FUT9: variants seen among roughly 807,000 people sequenced by gnomAD.
FUT9 encodes the protein 4-galactosyl-N-acetylglucosaminide 3-alpha-L-fucosyltransferase 9.
In FUT9, 15 loss-of-function variants were observed where a neutral mutation model predicts 29.7. The ratio of observed to expected loss-of-function variants is 0.51; its 90% CI spans 0.34 to 0.78. FUT9 has a LOEUF of 0.78. FUT9 is among the 30% of genes least tolerant of loss of function. FUT9 has a pLI of 0.01. For missense variants in FUT9, 319 were observed against 425.4 expected, an observed-to-expected ratio of 0.75 and a Z score of 2.20; for synonymous variants, 169 against 153.7, an observed-to-expected ratio of 1.10 and a Z score of -0.74.
chr6:96,214,949 A>G lies in FUT9; in HGVS notation c.*10714A>G, dbSNP rs1774009599. 1.8e-5 allele frequency: 3 copies of G among 167,050 alleles called. No individual in the cohort carries two copies. 10.3% of individuals were successfully genotyped at this position (167,050 alleles called of 1,614,324 possible). ...ATTCCAAGTGAAAATCATGCAGCTGAGTCCTGCTGCATCCTGGGAGCAAAG... is the reference window on the plus strand; with the variant it reads ...ATTCCAAGTGAAAATCATGCAGCTGGGTCCTGCTGCATCCTGGGAGCAAAG... On this transcript the variant is annotated 3_prime_UTR_variant, in exon 3 of 3. Coordinates refer to ENST00000302103, the MANE Select transcript of FUT9 (RefSeq NM_006581.4).
At chr6:96,041,161 C>G (rs1770452953) in intron 1 of FUT9, among the ~76,000 whole-genome samples, 1 of 151,660 alleles carries the variant, frequency 6.6e-6, no homozygotes, top group Non-Finnish European at 1.5e-5. Context: ...ACATCAGTGT[C>G]TTCCCCATCT....
chr6:96,117,660 G>A (rs1206649676), intron 2 of FUT9, among the ~76,000 whole-genome samples: 2 of 152,180 alleles, frequency 1.3e-5, no homozygotes, highest in Non-Finnish European at 2.9e-5. Flanking sequence ...TCAGCAGTTT[G>A]TAAAGGATGG....
At chr6:96,147,701 C>A (rs1244781994) in intron 2 of FUT9, among the ~76,000 whole-genome samples, 7 of 151,716 alleles carry the variant, frequency 4.6e-5, no homozygotes, top group African/African-American at 1.7e-4. Context: ...AACTCTTCAT[C>A]CTTTCTGTGC....
intron 1 of FUT9, among the ~76,000 whole-genome samples, chr6:96,098,159 T>C (rs1422508654): frequency 6.6e-6 from 1 of 152,132 alleles, no homozygotes; most frequent in African/African-American, 2.4e-5. Context: ...AATGAATAGT[T>C]ATTTTAGTTG....
chr6:96,197,166 G>A (rs1218343456), intron 2 of FUT9, among the ~76,000 whole-genome samples: 1 of 152,078 alleles, frequency 6.6e-6, no homozygotes, highest in Non-Finnish European at 1.5e-5. Context: ...GAAGAAAAAA[G>A]AATTTTAAAA....
chr6:96,129,285 A>AC (rs1772195393), intron 2 of FUT9, among the ~76,000 whole-genome samples: 1 of 7,572 alleles, frequency 1.3e-4, no homozygotes, highest in African/African-American at 1.7e-4. Context: ...AAAAAAAAAA[A>AC]AAAAAAACAA....
chr6:96,157,049 C>T (rs1772798556), intron 2 of FUT9, among the ~76,000 whole-genome samples: 2 of 152,148 alleles, frequency 1.3e-5, no homozygotes, highest in African/African-American at 4.8e-5. Flanking sequence ...AAGTGCAATG[C>T]TTTTGCCTAA....
rs1346222656 is a variant in FUT9 at position 96,214,139 on chromosome 6, T to C, written c.*9904T>C. The C allele has an allele frequency of 6.0e-6, 1 of 167,006 alleles. No homozygotes were observed. The highest frequency in any genetic ancestry group is 1.5e-5 in the Non-Finnish European group (1 of 68,066). The allele number at this position is 167,006 out of a possible 1,614,324, so 10.3% of individuals were successfully genotyped here. The stretch of plus-strand genomic sequence containing the variant: ...TCCCAAAACTTTATTTTTGGAGTTA[T>C]TGTTGGCAATAAATACAACAAATTA... On this transcript the variant is annotated 3_prime_UTR_variant, in exon 3 of 3. Coordinates refer to ENST00000302103, the MANE Select transcript of FUT9 (RefSeq NM_006581.4).
intron 1 of FUT9, chr6:96,036,863 C>T (rs1481165196): frequency 6.6e-6 from 1 of 151,968 alleles, no homozygotes; most frequent in Non-Finnish European, 1.5e-5. Context: ...TCAAACCTTA[C>T]AGTCCATGTG....
chr6:96,173,951 T>C lies in FUT9; in HGVS notation c.-8-29197T>C, dbSNP rs897982799. 9.2e-5 allele frequency among the ~76,000 whole-genome samples: 14 copies of C among 152,258 alleles called. 1 individual carries two copies. Among genetic ancestry groups the C allele is most frequent in the Admixed American group, 5.2e-4 (8 of 15,286 alleles). On this transcript the variant is annotated intron_variant, in intron 2 of 2. Coordinates refer to ENST00000302103, the MANE Select transcript of FUT9 (RefSeq NM_006581.4). ...GTTAATAATTTATTTGTGTTGATTG[T>C]TTTTTAGTTTTTATAAAAAGGAATG... is the stretch of plus-strand genomic sequence containing the variant.
At chr6:96,057,900 T>C (rs987390807) in intron 1 of FUT9, among the ~76,000 whole-genome samples, 1 of 152,160 alleles carries the variant, frequency 6.6e-6, no homozygotes, top group Non-Finnish European at 1.5e-5. Context: ...TTTTTGTCTC[T>C]TAGACTCTCA....
intron 1 of FUT9, among the ~76,000 whole-genome samples, chr6:96,043,996 G>A (rs552577065): frequency 6.6e-6 from 1 of 152,120 alleles, no homozygotes; most frequent in African/African-American, 2.4e-5. Flanking sequence ...TTTGGCTCAG[G>A]GTCACACTTT....
intron 2 of FUT9, among the ~76,000 whole-genome samples, chr6:96,187,228 G>A (rs1036721782): frequency 6.6e-6 from 1 of 152,128 alleles, no homozygotes; most frequent in African/African-American, 2.4e-5. Flanking sequence ...CAGAAATTAA[G>A]GGAAATGTTC....
chr6:96,161,534 T>C (rs566851943), intron 2 of FUT9, among the ~76,000 whole-genome samples: 2 of 152,332 alleles, frequency 1.3e-5, no homozygotes, highest in South Asian at 2.1e-4. Flanking sequence ...GACAGATAGA[T>C]AGATAGATAA....
intron 2 of FUT9, among the ~76,000 whole-genome samples, chr6:96,142,150 AAT>A (rs1215420184): frequency 6.6e-6 from 1 of 152,316 alleles, no homozygotes; most frequent in Non-Finnish European, 1.5e-5. Context: ...AGGGTATAGA[AAT>A]ATGGCAAAGA....
chr6:96,018,833 G>A (rs1036877393), intron 1 of FUT9, among the ~76,000 whole-genome samples: 1 of 151,824 alleles, frequency 6.6e-6, no homozygotes, highest in Non-Finnish European at 1.5e-5. Context: ...GAGATAGAGA[G>A]AAAGGCTTCA....
intron 1 of FUT9, among the ~76,000 whole-genome samples, chr6:96,111,730 T>C (rs528334740): frequency 6.6e-6 from 1 of 152,140 alleles, no homozygotes; most frequent in African/African-American, 2.4e-5. Context: ...AGATGTTGGA[T>C]GGTAAAAACA....
At chr6:96,138,080 T>C (rs1772390942) in intron 2 of FUT9, among the ~76,000 whole-genome samples, 1 of 152,176 alleles carries the variant, frequency 6.6e-6, no homozygotes, top group African/African-American at 2.4e-5. Flanking sequence ...ACATTGTACA[T>C]ACTCTCCCAT....
At chr6:96,088,581 T>A in intron 1 of FUT9, among the ~76,000 whole-genome samples, 1 of 151,080 alleles carries the variant, frequency 6.6e-6, no homozygotes, top group African/African-American at 2.4e-5. Flanking sequence ...TGCGCGCGCG[T>A]GCTCCATATT....
Sources: gnomAD v4.1 joint callset for allele counts (sites outside exome capture counted in the v4.1 genomes callset) on GRCh38, gnomAD v4.1.1 for gene constraint, MANE v1.5 for transcripts, NCBI Gene and HGNC (gene_info 2026-07-23, HGNC 2026-07-21) for gene names.